TLR4: variants seen among roughly 807,000 people sequenced by gnomAD.
The protein encoded by TLR4 is toll like receptor 4.
TLR4 carries 17 observed loss-of-function variants against 27.4 expected under a neutral mutation model. The ratio of observed to expected loss-of-function variants is 0.62; its 90% CI spans 0.42 to 0.93. TLR4 has a LOEUF of 0.93. TLR4 is among the 40% of genes least tolerant of loss of function. The pLI, the probability that TLR4 is intolerant of heterozygous loss-of-function variation, is 0.00. For synonymous variants in TLR4, 363 were observed against 365.7 expected (o/e 0.99, Z 0.08); for missense variants, 926 against 962.3 (o/e 0.96, Z 0.50).
rs1053396077 is a variant in TLR4, at chr9:117,713,856, T to C, written c.1728T>C (p.Leu576=). Residue 576 remains leucine (L), a synonymous_variant, in exon 3 of 3, where the codon CTT becomes CTC. Coordinates refer to ENST00000355622, the MANE Select transcript of TLR4 (RefSeq NM_138554.5). ...HFPSSLAFLN[L]TQNDFACTCE... is the part of the protein sequence containing the mutation. ...CAAGTAGTCTAGCTTTCTTAAATCTTACTCAGAATGACTTTGCTTGTACTT... is the reference window on the plus strand; with the variant it reads ...CAAGTAGTCTAGCTTTCTTAAATCTCACTCAGAATGACTTTGCTTGTACTT... 7 of 1,614,056 alleles carry C rather than the reference T, an allele frequency of 4.3e-6. No homozygotes were observed. The East Asian group carries it at 1.6e-4, about 36-fold the overall frequency.
rs146175330 is a variant in TLR4, at chr9:117,712,597, G to A, written c.469G>A (p.Val157Met). ...GHLKTLKELNVAHNLIQSFKL... is the reference protein window; with the variant it reads ...GHLKTLKELNMAHNLIQSFKL... ...TCTCAAAACTTTGAAAGAACTTAAT[G>A]TGGCTCACAATCTTATCCAATCTTT... The change falls in exon 3 of 3, where the codon GTG (valine) becomes ATG (methionine). Residue 157 changes from valine to methionine, a missense_variant. Physicochemically the swap from Val to Met is conservative, Grantham distance 21 (BLOSUM62 1). Transcript: ENST00000355622. 1.9e-6 allele frequency: 3 copies of A among 1,613,832 alleles called. No homozygotes were observed. The highest frequency in any genetic ancestry group is 2.7e-5 in the African/African-American group (2 of 74,876).
At chr9:117,711,921 T>G (rs2149356) in intron 2 of TLR4, among the ~76,000 whole-genome samples, 82,549 of 151,998 alleles carry the variant, frequency 0.54, 25,095 homozygotes, top group Non-Finnish European at 0.68. Context: ...TATGTGTAAT[T>G]TTTCGTATCT....
In TLR4 at chr9:117,715,831, C is replaced by T. The variant is rs1380614160; in HGVS notation, c.*1183C>T. 3 of 152,114 alleles carry T rather than the reference C, an allele frequency of 2.0e-5. No individual in the cohort carries two copies. The highest frequency in any genetic ancestry group is 7.2e-5 in the African/African-American group (3 of 41,394). 9.4% of individuals were successfully genotyped at this position (152,114 alleles called of 1,614,324 possible). On this transcript the variant is annotated 3_prime_UTR_variant, in exon 3 of 3. Coordinates refer to ENST00000355622, the MANE Select transcript of TLR4 (RefSeq NM_138554.5). ...CATTGCTGTTTCCTGTTGGGCAATG[C>T]TCCTTGACCACATTTTGGGAAGAGT...
In TLR4 at chr9:117,708,084, G is replaced by T. The variant is rs535918151; in HGVS notation, c.94-479G>T. On this transcript the variant is annotated intron_variant, in intron 1 of 2. Coordinates refer to ENST00000355622, the MANE Select transcript of TLR4 (RefSeq NM_138554.5). ...CTGTATCCTTCCAATTTTAGTGTAT[G>T]TGCTACTGCAGCAAGCACGATATTG... The T allele has an allele frequency of 2.6e-4, 157 of 592,576 alleles. 2 individuals are homozygous for T. In the African/African-American group the frequency reaches 2.8e-3, roughly 11 times the overall value. 36.7% of individuals were successfully genotyped at this position (592,576 alleles called of 1,614,324 possible).
At chr9:117,705,773 C>T (rs935645167) in intron 1 of TLR4, among the ~76,000 whole-genome samples, 1 of 151,560 alleles carries the variant, frequency 6.6e-6, no homozygotes, top group Non-Finnish European at 1.5e-5. Flanking sequence ...ATTATTTTTC[C>T]TTAGGCTTCA....
At position 117,715,187 on chromosome 9, in the gene TLR4, G is replaced by T; in HGVS notation, c.*539G>T. The T allele has an allele frequency of 1.9e-5, 3 of 160,344 alleles. No homozygotes were observed. The highest frequency in any genetic ancestry group is 1.2e-4 in the Admixed American group (2 of 17,160). The allele number at this position is 160,344 out of a possible 1,614,324, so 9.9% of individuals were successfully genotyped here. ...TTAAAGTCTAGTGGCTAATTCCTAA[G>T]GAAACCTGATTAACACATGCTCACA... On this transcript the variant is annotated 3_prime_UTR_variant, in exon 3 of 3. Transcript: ENST00000355622.
At chr9:117,710,155 A>G (rs1266892043) in intron 2 of TLR4, among the ~76,000 whole-genome samples, 1 of 152,038 alleles carries the variant, frequency 6.6e-6, no homozygotes, top group Non-Finnish European at 1.5e-5. Flanking sequence ...TACAATCGAT[A>G]CCATCACTCA....
intron 1 of TLR4, among the ~76,000 whole-genome samples, chr9:117,707,447 A>T (rs1296830492): frequency 1.3e-5 from 2 of 152,218 alleles, no homozygotes; most frequent in East Asian, 3.8e-4. Flanking sequence ...GATCACTTAT[A>T]CTGTAGCGGG....
Position 117,714,021 on chromosome 9 carries a change from G to A in TLR4, c.1893G>A (p.Lys631=). ...LSLNITCQMN[K]TIIGVSVLSV... ...TGAATATCACCTGTCAGATGAATAAGACCATCATTGGTGTGTCGGTCCTCA... is the reference window on the plus strand; with the variant it reads ...TGAATATCACCTGTCAGATGAATAAAACCATCATTGGTGTGTCGGTCCTCA... The change falls in exon 3 of 3, where the codon AAG becomes AAA. Residue 631 remains lysine, a synonymous_variant. Transcript: ENST00000355622. 2.5e-6 allele frequency: 4 copies of A among 1,613,934 alleles called. No individual in the cohort carries two copies. Among genetic ancestry groups the A allele is most frequent in the Non-Finnish European group, 3.4e-6 (4 of 1,179,980 alleles).
At chr9:117,707,120 C>A (rs2131163221) in intron 1 of TLR4, among the ~76,000 whole-genome samples, 1 of 152,258 alleles carries the variant, frequency 6.6e-6, no homozygotes, top group East Asian at 1.9e-4. Context: ...ATCAGATAGA[C>A]AACATAATGT....
chr9:117,708,235 A>G, intron 1 of TLR4: 3 of 1,111,848 alleles, frequency 2.7e-6, no homozygotes, highest in Non-Finnish European at 3.3e-6. Context: ...CTGGCATGAA[A>G]CCCAGAGCTT....
At chr9:117,704,692 G>T (rs1454164797) in intron 1 of TLR4, 127 bp downstream of exon 1, 8 of 823,276 alleles carry the variant, frequency 9.7e-6, no homozygotes, top group Admixed American at 4.2e-5. Context: ...GACTCAAGAA[G>T]CCACAGAGAT....
In TLR4 at chr9:117,719,303, G is replaced by T. The variant is rs1048808435; in HGVS notation, c.*4655G>T. 6.6e-6 allele frequency: 1 copy of T among 152,130 alleles called. No individual in the cohort carries two copies. Among genetic ancestry groups the T allele is most frequent in the Non-Finnish European group, 1.5e-5 (1 of 68,026 alleles). 9.4% of individuals were successfully genotyped at this position (152,130 alleles called of 1,614,324 possible). ...AAAGTATTTCCAATTTACAAATGAG[G>T]AGTCTGAGTCTGGGAGTCATTCTGT... is the stretch of plus-strand genomic sequence containing the variant. On this transcript the variant is annotated 3_prime_UTR_variant, in exon 3 of 3. Coordinates refer to ENST00000355622, the MANE Select transcript of TLR4 (RefSeq NM_138554.5).
In TLR4 at chr9:117,714,717, G is replaced by A. The variant is rs528339139; in HGVS notation, c.*69G>A. On this transcript the variant is annotated 3_prime_UTR_variant, in exon 3 of 3. Transcript: ENST00000355622. Reference sequence around the variant, plus strand: ...GGTCCAACACTTGTTCAGTTAATAAGTATTAAATGCTGCCACATGTCAGGC... The same window carrying A: ...GGTCCAACACTTGTTCAGTTAATAAATATTAAATGCTGCCACATGTCAGGC... 3 of 1,344,794 alleles carry A rather than the reference G, an allele frequency of 2.2e-6. No individual in the cohort carries two copies. Among genetic ancestry groups the A allele is most frequent in the African/African-American group, 1.4e-5 (1 of 69,740 alleles). The allele number at this position is 1,344,794 out of a possible 1,614,324, so 83.3% of individuals were successfully genotyped here.
intron 1 of TLR4, chr9:117,708,228 G>T (rs1458603511): frequency 9.1e-7 from 1 of 1,097,242 alleles, no homozygotes; most frequent in Non-Finnish European, 1.1e-6. Flanking sequence ...AGAAGAGCTG[G>T]CATGAAACCC....
At chr9:117,708,428 G>A in intron 1 of TLR4, 135 bp from the exon 2 acceptor site, 1 of 1,557,904 alleles carries the variant, frequency 6.4e-7, no homozygotes, top group Non-Finnish European at 8.7e-7. Context: ...ATGGAAGGAT[G>A]GACAGATGGA....
chr9:117,713,005 T>C lies in TLR4; in HGVS notation c.877T>C (p.Leu293=). ...CATTGAAGAATTCCGATTAGCATAC[T>C]TAGACTACTACCTCGATGATATTAT... ...LTIEEFRLAY[L]DYYLDDIIDL... is the part of the protein sequence containing the mutation. Residue 293 remains leucine, a synonymous_variant, in exon 3 of 3, where the codon TTA becomes CTA. Coordinates refer to ENST00000355622, the MANE Select transcript of TLR4 (RefSeq NM_138554.5). 6.2e-7 allele frequency: 1 copy of C among 1,614,056 alleles called. No individual in the cohort carries two copies. The highest frequency in any genetic ancestry group is 1.1e-5 in the South Asian group (1 of 91,084).
chr9:117,706,456 T>C (rs954713255), intron 1 of TLR4, among the ~76,000 whole-genome samples: 1 of 152,204 alleles, frequency 6.6e-6, no homozygotes, highest in African/African-American at 2.4e-5. Context: ...TATTTACCAC[T>C]ATATTTCCAG....
chr9:117,707,470 C>A (rs1417874585), intron 1 of TLR4, among the ~76,000 whole-genome samples: 1 of 152,160 alleles, frequency 6.6e-6, no homozygotes, highest in Non-Finnish European at 1.5e-5. Context: ...TTTAAATAAA[C>A]TCTTTAAACA....
Sources: allele counts gnomAD v4.1 joint callset (sites outside exome capture counted in the v4.1 genomes callset), GRCh38; gene constraint gnomAD v4.1.1; transcripts MANE v1.5; gene names NCBI Gene and HGNC (gene_info 2026-07-23, HGNC 2026-07-21).